Variants in ATP6V1C1 observed in about 807,000 individuals in gnomAD.
The protein encoded by ATP6V1C1 is V-type proton ATPase subunit C 1.
In ATP6V1C1, 45 loss-of-function variants were observed where a neutral mutation model predicts 53.9. That is an observed-to-expected ratio of 0.83 (90% CI 0.66 to 1.07). The LOEUF (loss-of-function observed/expected upper bound fraction) is 1.07, where lower values mean the gene tolerates loss of function less well. Among genes scored for constraint, ATP6V1C1 ranks in the 50% least tolerant of loss-of-function variants. The probability of loss-of-function intolerance (pLI) is 0.00; values close to 1 mark genes in which losing one functional copy is unlikely to be tolerated. For missense variants in ATP6V1C1, 315 were observed against 440.3 expected (o/e 0.72, Z 2.55); for synonymous variants, 153 against 155.2 (o/e 0.99, Z 0.11).
At chr8:103,053,676 G>A (rs1817239384) in intron 6 of ATP6V1C1, among the ~76,000 whole-genome samples, 1 of 151,916 alleles carries the variant, frequency 6.6e-6, no homozygotes, top group Non-Finnish European at 1.5e-5. Flanking sequence ...AAACACTAGA[G>A]GCAAATTTTG....
At position 103,070,073 on chromosome 8, in the gene ATP6V1C1, T is replaced by C. The variant is rs1817559958; in HGVS notation, c.*1326T>C. 1 of 152,126 alleles carries C rather than the reference T, an allele frequency of 6.6e-6. No homozygotes were observed. The highest frequency in any genetic ancestry group is 1.5e-5 in the Non-Finnish European group (1 of 68,016). The allele number at this position is 152,126 out of a possible 1,614,324, so 9.4% of individuals were successfully genotyped here. Reference sequence around the variant, plus strand: ...ACAGTTTATTTTTAATAAAATAGGATTATACCACACACATCCTGTCACTTG... The same window carrying C: ...ACAGTTTATTTTTAATAAAATAGGACTATACCACACACATCCTGTCACTTG... On this transcript the variant is annotated 3_prime_UTR_variant, in exon 13 of 13. Transcript: ENST00000518738.
rs1817603322 is a variant in ATP6V1C1 at position 103,072,560 on chromosome 8, C to G, written c.*3813C>G. 6.6e-6 allele frequency: 1 copy of G among 152,320 alleles called. No homozygotes were observed. Among genetic ancestry groups the G allele is most frequent in the South Asian group, 2.1e-4 (1 of 4,828 alleles). The allele number at this position is 152,320 out of a possible 1,614,324, so 9.4% of individuals were successfully genotyped here. ...AACTTTGCTAGTTTAGTACTTGTCT[C>G]TAAATTGATGTTCACCCATTTCAAT... On this transcript the variant is annotated 3_prime_UTR_variant, in exon 13 of 13. Coordinates refer to ENST00000518738, the MANE Select transcript of ATP6V1C1 (RefSeq NM_001695.5).
chr8:103,051,886 T>G (rs1451270114), intron 5 of ATP6V1C1, among the ~76,000 whole-genome samples: 1 of 152,150 alleles, frequency 6.6e-6, no homozygotes, highest in Non-Finnish European at 1.5e-5. Flanking sequence ...TTTAAATTAT[T>G]GGACAGACTT....
intron 1 of ATP6V1C1, among the ~76,000 whole-genome samples, chr8:103,023,224 TA>T (rs1816629028): frequency 6.7e-6 from 1 of 149,880 alleles, no homozygotes; most frequent in South Asian, 2.1e-4. Context: ...GCTTTTATTC[TA>T]AAAACAGAGG....
chr8:103,060,041 C>T (rs6990494), intron 8 of ATP6V1C1, among the ~76,000 whole-genome samples: 2,417 of 150,350 alleles, frequency 0.016, 40 homozygotes, highest in African/African-American at 0.048. Flanking sequence ...GATCTTGGCT[C>T]ACCGCAACCT....
chr8:103,066,918 C>T (rs1290354428), intron 12 of ATP6V1C1, among the ~76,000 whole-genome samples: 1 of 151,264 alleles, frequency 6.6e-6, no homozygotes, highest in Non-Finnish European at 1.5e-5. Context: ...GCGGGAGGAT[C>T]ACTTGAGCCC....
chr8:103,045,912 G>A (rs1295922981), intron 3 of ATP6V1C1, among the ~76,000 whole-genome samples: 7 of 151,834 alleles, frequency 4.6e-5, no homozygotes, highest in Non-Finnish European at 1.0e-4. Flanking sequence ...CTGCACTCCA[G>A]CCTGGGTGAC....
intron 7 of ATP6V1C1, 118 bp downstream of exon 7, chr8:103,054,100 C>CA (rs1817247540): frequency 1.4e-6 from 1 of 704,090 alleles, no homozygotes; most frequent in Non-Finnish European, 2.2e-6. Flanking sequence ...ATAACCTTGC[C>CA]ATTCATTCTG....
chr8:103,034,008 C>G lies in ATP6V1C1; in HGVS notation c.-39-6790C>G, dbSNP rs574847951. On this transcript the variant is annotated intron_variant, in intron 1 of 12. Transcript: ENST00000518738. ...GGGTTTTAGCTGCTTTTGAGACATT[C>G]AGGTGGAAAATGTCTTGTAGTCAGA... 2.2e-4 allele frequency among the ~76,000 whole-genome samples: 34 copies of G among 152,278 alleles called. 1 individual carries two copies. The South Asian group carries it at 7.0e-3, about 32-fold the overall frequency.
chr8:103,021,687 G>A (rs3779911), intron 1 of ATP6V1C1, among the ~76,000 whole-genome samples: 1 of 152,104 alleles, frequency 6.6e-6, no homozygotes, highest in East Asian at 1.9e-4. Flanking sequence ...AGGCCTAGGA[G>A]CCCCTAACTG....
intron 7 of ATP6V1C1, 55 bp from the exon 8 acceptor site, chr8:103,055,813 G>T: frequency 6.7e-7 from 1 of 1,499,990 alleles, no homozygotes; most frequent in South Asian, 1.2e-5. Flanking sequence ...TCCTGGATAT[G>T]GCAGGAAATA....
intron 3 of ATP6V1C1, among the ~76,000 whole-genome samples, chr8:103,044,501 G>A (rs1325445483): frequency 6.6e-6 from 1 of 152,022 alleles, no homozygotes; most frequent in African/African-American, 2.4e-5. Flanking sequence ...TTTCCCCTTT[G>A]AATTGTCCTG....
chr8:103,047,150 A>C (rs190598411), intron 3 of ATP6V1C1, among the ~76,000 whole-genome samples: 5 of 152,234 alleles, frequency 3.3e-5, no homozygotes, highest in Admixed American at 3.3e-4. Context: ...ATTATTTCTG[A>C]AATTGTTCTG....
At chr8:103,025,283 G>T (rs1816676526) in intron 1 of ATP6V1C1, among the ~76,000 whole-genome samples, 2 of 152,292 alleles carry the variant, frequency 1.3e-5, no homozygotes, top group Middle Eastern at 3.4e-3. Flanking sequence ...GCAGTTTGGA[G>T]GTCTGTTTCG....
At chr8:103,055,809 A>G (rs149002109) in intron 7 of ATP6V1C1, 59 bp from the exon 8 acceptor site, 3 of 1,479,752 alleles carry the variant, frequency 2.0e-6, no homozygotes, top group Admixed American at 1.8e-5. Context: ...CTCTTCCTGG[A>G]TATGGCAGGA....
In ATP6V1C1 at chr8:103,038,270, A is replaced by G. The variant is rs549800059; in HGVS notation, c.-39-2528A>G. Among the ~76,000 whole-genome samples, 28 of 152,258 alleles carry G rather than the reference A, an allele frequency of 1.8e-4. No homozygotes were observed. In the South Asian group the frequency reaches 5.4e-3, roughly 29 times the overall value. On this transcript the variant is annotated intron_variant, in intron 1 of 12. Coordinates refer to ENST00000518738, the MANE Select transcript of ATP6V1C1 (RefSeq NM_001695.5). ...TCTACATGTGGCCTTATCACTTGCA[A>G]TAGACTTCCTTATGTGGTAGTCTGA...
chr8:103,046,550 A>G (rs1487378299), intron 3 of ATP6V1C1, among the ~76,000 whole-genome samples: 1 of 152,156 alleles, frequency 6.6e-6, no homozygotes, highest in African/African-American at 2.4e-5. Flanking sequence ...AAAAGTATTA[A>G]GGACAAATGT....
At chr8:103,042,252 T>G in intron 2 of ATP6V1C1, 88 bp from the exon 3 acceptor site, 1 of 1,282,016 alleles carries the variant, frequency 7.8e-7, no homozygotes, top group Non-Finnish European at 1.1e-6. Context: ...AATTTAAGAT[T>G]TGTGAGAACT....
intron 4 of ATP6V1C1, among the ~76,000 whole-genome samples, chr8:103,050,689 A>C (rs772872962): frequency 6.6e-6 from 1 of 151,378 alleles, no homozygotes. Context: ...TTATCAAAGA[A>C]AGAACATACT....
Sources: allele counts gnomAD v4.1 joint callset (sites outside exome capture counted in the v4.1 genomes callset), GRCh38; gene constraint gnomAD v4.1.1; transcripts MANE v1.5; gene names NCBI Gene and HGNC (gene_info 2026-07-23, HGNC 2026-07-21).